The following SGK3 variants were observed in gnomAD, a reference collection of about 807,000 sequenced individuals.
SGK3 encodes serine/threonine-protein kinase Sgk3.
In SGK3, 47 loss-of-function variants were observed where a neutral mutation model predicts 68.5. The ratio of observed to expected loss-of-function variants is 0.69; its 90% CI spans 0.54 to 0.87. The LOEUF is 0.87. Ranked by LOEUF, SGK3 falls within the 40% of genes least tolerant of loss-of-function variation. The pLI is 0.00. For missense variants in SGK3, 479 were observed against 575.5 expected (o/e 0.83, Z 1.72); for synonymous variants, 181 against 189.1 (o/e 0.96, Z 0.35).
At chr8:66,823,932 A>G (rs1205782733) in intron 6 of SGK3, among the ~76,000 whole-genome samples, 1 of 152,164 alleles carries the variant, frequency 6.6e-6, no homozygotes, top group East Asian at 1.9e-4. Flanking sequence ...ATCAGAGATG[A>G]TGGGTTGAAA....
chr8:66,835,885 C>A, intron 9 of SGK3, 39 bp downstream of exon 9: 1 of 1,608,702 alleles, frequency 6.2e-7, no homozygotes, highest in South Asian at 1.1e-5. Flanking sequence ...CCCATTTTCT[C>A]AATTAAGAGA....
At chr8:66,812,130 C>G (rs1808403707) in intron 4 of SGK3, among the ~76,000 whole-genome samples, 1 of 152,096 alleles carries the variant, frequency 6.6e-6, no homozygotes, top group African/African-American at 2.4e-5. Context: ...ATACATTATA[C>G]CTTTATTCAG....
intron 1 of SGK3, among the ~76,000 whole-genome samples, chr8:66,723,131 ATTTTT>A (rs1177940065): frequency 2.5e-3 from 75 of 29,470 alleles, no homozygotes; most frequent in East Asian, 6.9e-3. Flanking sequence ...ATATATATAT[ATTTTT>A]TTTTTTTTTT....
At chr8:66,814,830 T>C (rs1448775055) in intron 5 of SGK3, among the ~76,000 whole-genome samples, 2 of 152,228 alleles carry the variant, frequency 1.3e-5, no homozygotes, top group Non-Finnish European at 2.9e-5. Context: ...GGTAGATATA[T>C]GGTTTGGCTT....
At chr8:66,726,798 C>G (rs1289656802) in intron 1 of SGK3, among the ~76,000 whole-genome samples, 4 of 92,966 alleles carry the variant, frequency 4.3e-5, no homozygotes, top group African/African-American at 2.2e-4. Flanking sequence ...AAGACCCTGT[C>G]TGTAAAAAAA....
intron 1 of SGK3, among the ~76,000 whole-genome samples, chr8:66,766,099 GA>G (rs1806309065): frequency 6.6e-6 from 1 of 152,016 alleles, no homozygotes; most frequent in Non-Finnish European, 1.5e-5. Context: ...TATAGTTAGA[GA>G]ACATACTTTG....
chr8:66,843,410 T>C, intron 13 of SGK3, 42 bp from the exon 14 acceptor site: 1 of 1,576,544 alleles, frequency 6.3e-7, no homozygotes, highest in Admixed American at 1.8e-5. Flanking sequence ...TTTGTCTTGA[T>C]TTGTTTACTG....
chr8:66,797,752 G>A (rs150891652), intron 2 of SGK3, among the ~76,000 whole-genome samples: 2 of 152,244 alleles, frequency 1.3e-5, no homozygotes, highest in African/African-American at 2.4e-5. Flanking sequence ...AAAATACTTT[G>A]TAAGTTCCAG....
chr8:66,714,369 C>G (rs532332961), intron 1 of SGK3, among the ~76,000 whole-genome samples: 3 of 152,326 alleles, frequency 2.0e-5, no homozygotes, highest in Admixed American at 2.0e-4. Flanking sequence ...ATAACATGCC[C>G]TCTTCAAATG....
chr8:66,748,425 C>T (rs759601078), intron 1 of SGK3, among the ~76,000 whole-genome samples: 21 of 152,072 alleles, frequency 1.4e-4, no homozygotes, highest in Non-Finnish European at 2.9e-4. Context: ...CTAAGCTACT[C>T]GAGTTTTGGG....
At chr8:66,840,338 G>A (rs1387046675) in intron 12 of SGK3, 91 bp downstream of exon 12, 4 of 1,217,996 alleles carry the variant, frequency 3.3e-6, no homozygotes, top group African/African-American at 1.5e-5. Context: ...ATTCTGTACT[G>A]CGTTATTTTA....
chr8:66,772,589 C>G lies in SGK3; in HGVS notation c.-121-21027C>G, dbSNP rs1318059268. Among the ~76,000 whole-genome samples, 7 of 142,446 alleles carry G rather than the reference C, an allele frequency of 4.9e-5. No individual in the cohort carries two copies. The East Asian group carries it at 1.5e-3, about 30-fold the overall frequency. 93.5% of individuals were successfully genotyped at this position (142,446 alleles called of 152,430 possible). ...TTTTTTTTTTTTTTTGAGACAGAGTCTCGCTCTGTCGCCCAGGTTGGAGTG... is the reference window on the plus strand; with the variant it reads ...TTTTTTTTTTTTTTTGAGACAGAGTGTCGCTCTGTCGCCCAGGTTGGAGTG... On this transcript the variant is annotated intron_variant, in intron 1 of 16. Transcript: ENST00000521198.
intron 1 of SGK3, among the ~76,000 whole-genome samples, chr8:66,718,072 C>G (rs1388751869): frequency 6.6e-6 from 1 of 151,444 alleles, no homozygotes; most frequent in Non-Finnish European, 1.5e-5. Flanking sequence ...GTCACCCAGG[C>G]TGGAGTGCAA....
chr8:66,858,830 G>T lies in SGK3; in HGVS notation c.1321-581G>T, dbSNP rs561897104. On this transcript the variant is annotated intron_variant, in intron 16 of 16. Coordinates refer to ENST00000521198, the MANE Select transcript of SGK3 (RefSeq NM_001033578.3). Reference sequence around the variant, plus strand: ...AGCTCATCAGCTATTGTTAATGTTGGTGAGTGTGGTCCAAGACCATTCTTC... The same window carrying T: ...AGCTCATCAGCTATTGTTAATGTTGTTGAGTGTGGTCCAAGACCATTCTTC... Among the ~76,000 whole-genome samples the T allele has an allele frequency of 1.4e-4, 22 of 152,228 alleles. 2 individuals carry two copies. In the South Asian group the frequency reaches 4.1e-3, roughly 29 times the overall value.
chr8:66,824,083 T>C (rs1808957635), intron 6 of SGK3, among the ~76,000 whole-genome samples: 1 of 152,170 alleles, frequency 6.6e-6, no homozygotes, highest in Non-Finnish European at 1.5e-5. Context: ...TTTTTGTGAC[T>C]ACTGGAAAGT....
chr8:66,717,503 G>A lies in SGK3; in HGVS notation c.-122+4670G>A, dbSNP rs186889369. Among the ~76,000 whole-genome samples, 240 of 152,200 alleles carry A rather than the reference G, an allele frequency of 1.6e-3. 2 individuals are homozygous for A. The East Asian group carries it at 0.039, about 24-fold the overall frequency. ...AGATCGCACCACTGTGCTCCAGACT[G>A]GGCAACAGAGTGAGACTCCTTCTCA... On this transcript the variant is annotated intron_variant, in intron 1 of 16. Coordinates refer to ENST00000521198, the MANE Select transcript of SGK3 (RefSeq NM_001033578.3).
At chr8:66,817,643 C>T (rs1808648888) in intron 5 of SGK3, among the ~76,000 whole-genome samples, 1 of 151,864 alleles carries the variant, frequency 6.6e-6, no homozygotes, top group Non-Finnish European at 1.5e-5. Context: ...TGAGCCACCA[C>T]GCCCAGCCAA....
At chr8:66,785,161 C>A (rs542772424) in intron 1 of SGK3, among the ~76,000 whole-genome samples, 1 of 152,294 alleles carries the variant, frequency 6.6e-6, no homozygotes, top group Admixed American at 6.5e-5. Flanking sequence ...CCTGGTGGAT[C>A]CCTGGTGCTC....
chr8:66,749,988 T>C (rs1805767126), intron 1 of SGK3, among the ~76,000 whole-genome samples: 1 of 151,522 alleles, frequency 6.6e-6, no homozygotes, highest in Non-Finnish European at 1.5e-5. Flanking sequence ...TCTCTAAATA[T>C]GAGAGGTGAA....
Sources: gnomAD v4.1 joint callset for allele counts (sites outside exome capture counted in the v4.1 genomes callset) on GRCh38, gnomAD v4.1.1 for gene constraint, MANE v1.5 for transcripts, NCBI Gene and HGNC (gene_info 2026-07-23, HGNC 2026-07-21) for gene names.